The following PTBP3 variants were observed in gnomAD, a reference collection of about 807,000 sequenced individuals.
The protein encoded by PTBP3 is polypyrimidine tract binding protein 3, also known as polypyrimidine tract-binding protein 3.
In PTBP3, 20 loss-of-function variants were observed where a neutral mutation model predicts 58.7. The ratio of observed to expected loss-of-function variants is 0.34; its 90% CI spans 0.24 to 0.50. The LOEUF (loss-of-function observed/expected upper bound fraction) is 0.50, where lower values mean the gene tolerates loss of function less well. Ranked by LOEUF, PTBP3 falls within the 20% of genes least tolerant of loss-of-function variation. The pLI is 0.98. For missense variants in PTBP3, 509 were observed against 637.2 expected (o/e 0.80, Z 2.17); for synonymous variants, 185 against 219.8 (o/e 0.84, Z 1.40).
intron 4 of PTBP3, among the ~76,000 whole-genome samples, chr9:112,263,044 G>C (rs1421751297): frequency 1.3e-5 from 2 of 152,150 alleles, no homozygotes; most frequent in African/African-American, 4.8e-5. Context: ...CTGGGGCCCA[G>C]AAATCACAAG....
chr9:112,328,983 A>G (rs1429163835), intron 1 of PTBP3, among the ~76,000 whole-genome samples: 3 of 152,228 alleles, frequency 2.0e-5, no homozygotes, highest in African/African-American at 7.2e-5. Flanking sequence ...AATAATTTGA[A>G]CTGTAAGTGG....
At chr9:112,255,732 A>G (rs1373696827) in intron 5 of PTBP3, among the ~76,000 whole-genome samples, 1 of 152,172 alleles carries the variant, frequency 6.6e-6, no homozygotes, top group Non-Finnish European at 1.5e-5. Context: ...TTACATCAAC[A>G]ATATGTAGTT....
chr9:112,323,180 C>T (rs1830021836), intron 1 of PTBP3, among the ~76,000 whole-genome samples: 1 of 152,158 alleles, frequency 6.6e-6, no homozygotes, highest in Non-Finnish European at 1.5e-5. Flanking sequence ...TGGACCCACA[C>T]GTTCAAGGCT....
At position 112,219,845 on chromosome 9, in the gene PTBP3, A is replaced by G. The variant is rs1446865552; in HGVS notation, c.*4006T>C. 1 of 158,542 alleles carries G rather than the reference A, an allele frequency of 6.3e-6. No individual in the cohort carries two copies. The highest frequency in any genetic ancestry group is 1.4e-5 in the Non-Finnish European group (1 of 73,130). 9.8% of individuals were successfully genotyped at this position (158,542 alleles called of 1,614,324 possible). A position where few individuals can be genotyped will look rare whatever the true frequency, so the allele number is the denominator to read the frequency against. On this transcript the variant is annotated 3_prime_UTR_variant, in exon 14 of 14. Transcript: ENST00000374257. ...AACCCCTCAAACTAAGATTTTAATA[A>G]TTTTCTATATTTTAAACCACTCACA... is the stretch of plus-strand genomic sequence containing the variant.
chr9:112,292,827 G>A (rs1056361945), intron 2 of PTBP3, among the ~76,000 whole-genome samples: 1 of 152,124 alleles, frequency 6.6e-6, no homozygotes, highest in Non-Finnish European at 1.5e-5. Flanking sequence ...AACTTCTAGC[G>A]ATCTGTTGTA....
the PTBP3 span, among the ~76,000 whole-genome samples, chr9:112,379,698 C>T: frequency 0.14 from 21,487 of 152,238 alleles, 2,117 homozygotes; most frequent in East Asian, 0.24. Flanking sequence ...CAAGAAGACC[C>T]AGAGCTAACG....
the PTBP3 span, among the ~76,000 whole-genome samples, chr9:112,368,362 G>C: frequency 5.3e-5 from 8 of 152,108 alleles, no homozygotes; most frequent in Non-Finnish European, 1.5e-5. Context: ...GTAGAGACAG[G>C]GTTTCGCCAT....
the PTBP3 span, chr9:112,363,073 T>C: frequency 7.9e-5 from 14 of 176,522 alleles, no homozygotes; most frequent in East Asian, 1.9e-3. Flanking sequence ...GCCATCAGAG[T>C]CACCAGTCGC....
In PTBP3 at chr9:112,222,728, A is replaced by C. The variant is rs907438009; in HGVS notation, c.*1123T>G. The C allele has an allele frequency of 1.0e-6, 1 of 976,298 alleles. No homozygotes were observed. The highest frequency in any genetic ancestry group is 1.2e-6 in the Non-Finnish European group (1 of 821,338). The allele number at this position is 976,298 out of a possible 1,614,324, so 60.5% of individuals were successfully genotyped here. ...GAAAGAAAAAACAAAATGCTTACCAAGCCCACAATATAGCTTTCAAGATAT... is the reference window on the plus strand; with the variant it reads ...GAAAGAAAAAACAAAATGCTTACCACGCCCACAATATAGCTTTCAAGATAT... On this transcript the variant is annotated 3_prime_UTR_variant, in exon 14 of 14. Coordinates refer to ENST00000374257, the MANE Select transcript of PTBP3 (RefSeq NM_001163788.4).
chr9:112,328,233 G>A (rs954316674), intron 1 of PTBP3, among the ~76,000 whole-genome samples: 7 of 152,160 alleles, frequency 4.6e-5, no homozygotes, highest in Non-Finnish European at 8.8e-5. Flanking sequence ...TCTTTCACAC[G>A]ATCTAGATGA....
At chr9:112,309,258 C>G (rs1446000253) in intron 1 of PTBP3, among the ~76,000 whole-genome samples, 1 of 151,662 alleles carries the variant, frequency 6.6e-6, no homozygotes, top group Non-Finnish European at 1.5e-5. Flanking sequence ...CTACCTTTTT[C>G]TAACAGATAG....
chr9:112,367,567 T>C, the PTBP3 span, among the ~76,000 whole-genome samples: 1 of 152,170 alleles, frequency 6.6e-6, no homozygotes, highest in African/African-American at 2.4e-5. Flanking sequence ...TCAGGTATAG[T>C]ATTGTTAGTT....
Position 112,320,314 on chromosome 9 carries a change from A to ATATATATATATATATATTT in PTBP3, c.-52+13155_-52+13156insAAATATATATATATATATA. 2.8e-3 allele frequency among the ~76,000 whole-genome samples: 211 copies of ATATATATATATATATATTT among 75,616 alleles called. 1 individual carries two copies. Among genetic ancestry groups the ATATATATATATATATATTT allele is most frequent in the South Asian group, 4.4e-3 (9 of 2,056 alleles). The allele number at this position is 75,616 out of a possible 152,430, so 49.6% of individuals were successfully genotyped here. On this transcript the variant is annotated intron_variant, in intron 1 of 13. Coordinates refer to ENST00000374257, the MANE Select transcript of PTBP3 (RefSeq NM_001163788.4). Reference sequence around the variant, plus strand: ...AAAATATATATATATATATATATATATTTTTTTTTAAGTGTTATCACCAGA... The same window carrying ATATATATATATATATATTT: ...AAAATATATATATATATATATATATATATATATATATATATATTTTTTTTTTTTAAGTGTTATCACCAGA...
intron 2 of PTBP3, among the ~76,000 whole-genome samples, chr9:112,278,680 G>A (rs1220558122): frequency 1.3e-5 from 2 of 152,150 alleles, no homozygotes; most frequent in African/African-American, 2.4e-5. Context: ...TAATTGTTCC[G>A]TATTATAAAA....
At chr9:112,325,390 C>A (rs1246818795) in intron 1 of PTBP3, among the ~76,000 whole-genome samples, 1 of 152,108 alleles carries the variant, frequency 6.6e-6, no homozygotes, top group Non-Finnish European at 1.5e-5. Context: ...GTGTGGTGGC[C>A]TGGTATTCAA....
intron 1 of PTBP3, among the ~76,000 whole-genome samples, chr9:112,303,022 C>T (rs189898253): frequency 6.6e-6 from 1 of 152,236 alleles, no homozygotes; most frequent in Admixed American, 6.5e-5. Flanking sequence ...AATAAATTTC[C>T]AATCAACCAT....
chr9:112,379,794 C>G, the PTBP3 span: 1 of 411,444 alleles, frequency 2.4e-6, no homozygotes, highest in Non-Finnish European at 4.4e-6. Context: ...AGGAGAAACC[C>G]CTAGAGACAG....
Position 112,282,643 on chromosome 9 carries a change from A to T in PTBP3, c.35-6630T>A, listed in dbSNP as rs550670025. Among the ~76,000 whole-genome samples the T allele has an allele frequency of 2.9e-4, 42 of 146,482 alleles. 1 individual carries two copies. In the East Asian group the frequency reaches 3.0e-3, roughly 10 times the overall value. On this transcript the variant is annotated intron_variant, in intron 2 of 13. Transcript: ENST00000374257. Reference sequence around the variant, plus strand: ...TGATCAATGGGTTAAGTTTATTTTTATTTTTTTTTTTACTATTTGGGAAAT... The same window carrying T: ...TGATCAATGGGTTAAGTTTATTTTTTTTTTTTTTTTTACTATTTGGGAAAT...
intron 10 of PTBP3, among the ~76,000 whole-genome samples, chr9:112,229,226 AT>A (rs1371903847): frequency 3.3e-5 from 5 of 152,146 alleles, no homozygotes; most frequent in African/African-American, 9.7e-5. Context: ...GTATTACAAT[AT>A]ATTTCAGTTT....
Sources: allele counts gnomAD v4.1 joint callset (sites outside exome capture counted in the v4.1 genomes callset), GRCh38; gene constraint gnomAD v4.1.1; transcripts MANE v1.5; gene names NCBI Gene and HGNC (gene_info 2026-07-23, HGNC 2026-07-21).